FLNB: variants seen among roughly 807,000 people sequenced by gnomAD.
FLNB encodes the protein filamin-B.
In FLNB, 111 loss-of-function variants were observed where a neutral mutation model predicts 250.6. The observed-to-expected ratio is 0.44, with a 90% CI of 0.38 to 0.52. The LOEUF is 0.52. Among genes scored for constraint, FLNB ranks in the 20% least tolerant of loss-of-function variants. The pLI is 0.00. For synonymous variants in FLNB, 1,302 were observed against 1,372.1 expected (o/e 0.95, Z 1.13); for missense variants, 2,869 against 3,447.8 (o/e 0.83, Z 4.20).
intron 9 of FLNB, among the ~76,000 whole-genome samples, chr3:58,103,195 GCCCAGA>G (rs2097253840): frequency 6.6e-6 from 1 of 152,106 alleles, no homozygotes; most frequent in African/African-American, 2.4e-5. Context: ...GTTCTAGACT[GCCCAGA>G]CCTGGAGTCA....
intron 1 of FLNB, among the ~76,000 whole-genome samples, chr3:58,047,944 T>G (rs1444201954): frequency 6.6e-6 from 1 of 152,020 alleles, no homozygotes; most frequent in Admixed American, 6.6e-5. Context: ...CCAACAAGCA[T>G]CTCTAAGAAA....
At chr3:58,098,998 A>G (rs2097244397) in intron 8 of FLNB, 90 bp downstream of exon 8, 2 of 1,100,534 alleles carry the variant, frequency 1.8e-6, no homozygotes, top group Admixed American at 1.7e-5. Flanking sequence ...GTCAGGGCCC[A>G]ACATTGACCT....
intron 1 of FLNB, among the ~76,000 whole-genome samples, chr3:58,071,786 TC>T (rs1421037892): frequency 4.6e-5 from 7 of 152,124 alleles, no homozygotes; most frequent in Non-Finnish European, 5.9e-5. Flanking sequence ...CTCTGGGAAC[TC>T]CCTGGATGGT....
Position 58,170,872 on chromosome 3 carries a change from C to G in FLNB, c.*110C>G. On this transcript the variant is annotated 3_prime_UTR_variant, in exon 46 of 46. Coordinates refer to ENST00000295956, the MANE Select transcript of FLNB (RefSeq NM_001457.4). ...CTGTTTGTGGGGCTGAAACCCCATC[C>G]CTAAAATATTGCTGTTGTAAAATGC... The G allele has an allele frequency of 1.0e-6, 1 of 969,866 alleles. No individual in the cohort carries two copies. The highest frequency in any genetic ancestry group is 1.6e-6 in the Non-Finnish European group (1 of 624,092). 60.1% of individuals were successfully genotyped at this position (969,866 alleles called of 1,614,324 possible).
intron 5 of FLNB, 93 bp from the exon 6 acceptor site, chr3:58,096,048 G>T: frequency 4.1e-6 from 4 of 968,038 alleles, no homozygotes; most frequent in Admixed American, 1.8e-5. Context: ...CAGTGTTTCC[G>T]ACCTGGCAGC....
At chr3:58,084,564 A>AGT (rs1553692876) in intron 4 of FLNB, among the ~76,000 whole-genome samples, 1 of 150,292 alleles carries the variant, frequency 6.7e-6, no homozygotes, top group South Asian at 2.1e-4. Flanking sequence ...TTAAAAAAAA[A>AGT]TTTTTTTTTA....
intron 1 of FLNB, among the ~76,000 whole-genome samples, chr3:58,017,629 A>G (rs564965180): frequency 6.6e-6 from 1 of 152,348 alleles, no homozygotes; most frequent in African/African-American, 2.4e-5. Context: ...CCTGCCCTCT[A>G]AGAGCCTTAG....
rs557529477 is a variant in FLNB at position 58,078,351 on chromosome 3, T to C, written c.542-366T>C. On this transcript the variant is annotated intron_variant, in intron 2 of 45. Coordinates refer to ENST00000295956, the MANE Select transcript of FLNB (RefSeq NM_001457.4). The stretch of plus-strand genomic sequence containing the variant: ...TGGATTTTTGAATCACACAGGATGC[T>C]ATTCTAGACTTTTTAGATATATCCA... 45 of 1,475,200 alleles carry C rather than the reference T, an allele frequency of 3.1e-5. No homozygotes were observed. In the East Asian group the frequency reaches 4.7e-4, roughly 15 times the overall value. 91.4% of individuals were successfully genotyped at this position (1,475,200 alleles called of 1,614,324 possible). A position where few individuals can be genotyped will look rare whatever the true frequency, so the allele number is the denominator to read the frequency against.
intron 7 of FLNB, 138 bp downstream of exon 7, chr3:58,098,115 GTTATA>G: frequency 1.1e-6 from 1 of 945,570 alleles, no homozygotes; most frequent in South Asian, 1.4e-5. Context: ...TTTCAAATGT[GTTATA>G]TTAGATTTTT....
chr3:58,063,230 C>T (rs1416303205), intron 1 of FLNB, among the ~76,000 whole-genome samples: 1 of 152,224 alleles, frequency 6.6e-6, no homozygotes. Context: ...GACTTGGCCA[C>T]CAGTTACTTC....
intron 29 of FLNB, among the ~76,000 whole-genome samples, chr3:58,141,038 A>T (rs958859100): frequency 6.6e-5 from 10 of 152,138 alleles, no homozygotes; most frequent in African/African-American, 2.4e-4. Context: ...GCTGGATCCC[A>T]GGAGTTTAAG....
At chr3:58,121,634 GA>G in intron 20 of FLNB, 131 bp downstream of exon 20, 3 of 1,197,970 alleles carry the variant, frequency 2.5e-6, no homozygotes, top group Non-Finnish European at 3.6e-6. Context: ...AATTCACTGT[GA>G]AAGGTCCCCT....
At chr3:58,057,318 G>C (rs780810597) in intron 1 of FLNB, among the ~76,000 whole-genome samples, 2 of 152,204 alleles carry the variant, frequency 1.3e-5, no homozygotes, top group Non-Finnish European at 2.9e-5. Flanking sequence ...AATTAGTGAA[G>C]ATGATGGTTT....
chr3:58,038,497 C>A (rs1304413142), intron 1 of FLNB, among the ~76,000 whole-genome samples: 1 of 151,588 alleles, frequency 6.6e-6, no homozygotes. Context: ...GGAGTACGAC[C>A]ACTATAACCT....
chr3:58,098,672 A>C lies in FLNB; in HGVS notation c.1148-39A>C, dbSNP rs779698819. ...ACTCAGCAGCAGTGAGCTTTCAGAG[A>C]GGGTGACTTGGGCTCATGGAATGCT... On this transcript the variant is annotated intron_variant, in intron 7 of 45. Coordinates refer to ENST00000295956, the MANE Select transcript of FLNB (RefSeq NM_001457.4). 12 of 1,604,790 alleles carry C rather than the reference A, an allele frequency of 7.5e-6. No homozygotes were observed. In the Admixed American group the frequency reaches 2.0e-4, roughly 27 times the overall value.
At chr3:58,074,000 C>T (rs1443795617) in intron 1 of FLNB, among the ~76,000 whole-genome samples, 1 of 152,178 alleles carries the variant, frequency 6.6e-6, no homozygotes, top group East Asian at 1.9e-4. Flanking sequence ...TTTCATGCAT[C>T]GTAATATGGT....
At chr3:58,100,269 G>T (rs1382919540) in intron 8 of FLNB, among the ~76,000 whole-genome samples, 6 of 149,660 alleles carry the variant, frequency 4.0e-5, no homozygotes, top group Admixed American at 3.3e-4. Flanking sequence ...TTTCTTTTCT[G>T]GCCTGTACAT....
At chr3:58,127,930 C>T (rs2097300624) in intron 24 of FLNB, among the ~76,000 whole-genome samples, 1 of 151,976 alleles carries the variant, frequency 6.6e-6, no homozygotes, top group Admixed American at 6.6e-5. Flanking sequence ...ATTCTGAGAC[C>T]ACCTCCCCCG....
intron 1 of FLNB, among the ~76,000 whole-genome samples, chr3:58,009,642 G>T (rs541831959): frequency 6.6e-6 from 1 of 152,184 alleles, no homozygotes; most frequent in African/African-American, 2.4e-5. Context: ...GCCATCTGGG[G>T]TGAGGCTAGA....
Sources: gnomAD v4.1 joint callset for allele counts (sites outside exome capture counted in the v4.1 genomes callset) on GRCh38, gnomAD v4.1.1 for gene constraint, MANE v1.5 for transcripts, NCBI Gene and HGNC (gene_info 2026-07-23, HGNC 2026-07-21) for gene names.